SMARCA2: variants seen among roughly 807,000 people sequenced by gnomAD.
The protein encoded by SMARCA2 is SWI/SNF-related matrix-associated actin-dependent regulator of chromatin subfamily A member 2.
Under a neutral mutation model 199.8 loss-of-function variants are expected in SMARCA2, and 61 were observed. That is an observed-to-expected ratio of 0.31 (90% CI 0.25 to 0.38). The LOEUF is 0.38. Ranked by LOEUF, SMARCA2 falls within the 10% of genes least tolerant of loss-of-function variation. The probability of loss-of-function intolerance (pLI) is 1.00; values close to 1 mark genes in which losing one functional copy is unlikely to be tolerated. For synonymous variants in SMARCA2, 935 were observed against 732.0 expected (o/e 1.28, Z -4.48); for missense variants, 1,344 against 2,012.2 (o/e 0.67, Z 6.35).
At chr9:2,178,581 C>CG (rs926698764) in intron 29 of SMARCA2, among the ~76,000 whole-genome samples, 2 of 151,912 alleles carry the variant, frequency 1.3e-5, no homozygotes, top group South Asian at 4.2e-4. Flanking sequence ...ACTTTCTGGC[C>CG]GGGGGCAGGG....
At chr9:2,158,977 T>C (rs1394463086) in intron 27 of SMARCA2, 3 of 1,612,204 alleles carry the variant, frequency 1.9e-6, no homozygotes, top group Non-Finnish European at 1.7e-6. Flanking sequence ...AGGGGAATAA[T>C]GGTCAGTACT....
chr9:2,073,476 C>A, intron 11 of SMARCA2, 90 bp from the exon 12 acceptor site: 1 of 1,458,224 alleles, frequency 6.9e-7, no homozygotes. Flanking sequence ...GTCTTTTATA[C>A]ATAGAATGTG....
In SMARCA2 at chr9:2,059,866, G is replaced by T. The variant is rs16937082; in HGVS notation, c.1522-950G>T. Among the ~76,000 whole-genome samples the T allele has an allele frequency of 9.3e-3, 1,419 of 152,144 alleles. 30 individuals are homozygous for T. The highest frequency in any genetic ancestry group is 0.033 in the African/African-American group (1,352 of 41,490). On this transcript the variant is annotated intron_variant, in intron 8 of 33. Coordinates refer to ENST00000349721, the MANE Select transcript of SMARCA2 (RefSeq NM_003070.5). ...TTGCCTCTTAAAGATTTTGCAGCTT[G>T]CTCCTTTTATCGTGGCATTACATGA...
chr9:2,123,594 G>T lies in SMARCA2; in HGVS notation c.3763-125G>T. On this transcript the variant is annotated intron_variant, in intron 26 of 33. Coordinates refer to ENST00000349721, the MANE Select transcript of SMARCA2 (RefSeq NM_003070.5). The surrounding 1 kb of genome is among the most constrained non-coding windows in gnomAD (Gnocchi z 4.1). ...GGGATGAGCTAGAACAAGCCAACCA[G>T]GATGAGAGAGGTTGAAAGGGACCCT... 5 of 808,040 alleles carry T rather than the reference G, an allele frequency of 6.2e-6. No homozygotes were observed. Among genetic ancestry groups the T allele is most frequent in the Non-Finnish European group, 1.1e-5 (5 of 475,590 alleles). The allele number at this position is 808,040 out of a possible 1,614,324, so 50.1% of individuals were successfully genotyped here.
rs560824532 is a variant in SMARCA2, at chr9:2,086,616, G to C, written c.2527-213G>C. 1.3e-5 allele frequency among the ~76,000 whole-genome samples: 2 copies of C among 152,260 alleles called. No homozygotes were observed. The highest frequency in any genetic ancestry group is 4.2e-4 in the South Asian group (2 of 4,812). ...GATTTGGAATTACGTGGTCTGTAAG[G>C]AACATTGTTCCTTTAACATTCTATT... On this transcript the variant is annotated intron_variant, in intron 17 of 33. Transcript: ENST00000349721. This position sits in a 1 kb window ranked among gnomAD's most constrained non-coding sequence, Gnocchi z 4.3.
rs1828021251 is a variant in SMARCA2 at position 2,193,306 on chromosome 9, G to C, written c.*567G>C. 1 of 152,530 alleles carries C rather than the reference G, an allele frequency of 6.6e-6. No homozygotes were observed. The highest frequency in any genetic ancestry group is 6.5e-5 in the Admixed American group (1 of 15,282). The allele number at this position is 152,530 out of a possible 1,614,324, so 9.4% of individuals were successfully genotyped here. A position where few individuals can be genotyped will look rare whatever the true frequency, so the allele number is the denominator to read the frequency against. ...TTTATGCTCTATGATCTGAACAAAAGCTTTTTGAATTGTATAAGATTTATG... is the reference window on the plus strand; with the variant it reads ...TTTATGCTCTATGATCTGAACAAAACCTTTTTGAATTGTATAAGATTTATG... On this transcript the variant is annotated 3_prime_UTR_variant, in exon 34 of 34. Transcript: ENST00000349721.
chr9:2,060,633 C>T (rs756174111), intron 8 of SMARCA2, among the ~76,000 whole-genome samples, 183 bp from the exon 9 acceptor site: 1 of 152,202 alleles, frequency 6.6e-6, no homozygotes, highest in Non-Finnish European at 1.5e-5. Context: ...GGGATGTAGG[C>T]GTCACACTTC....
At chr9:2,070,995 C>T (rs888227719) in intron 10 of SMARCA2, among the ~76,000 whole-genome samples, 7 of 152,286 alleles carry the variant, frequency 4.6e-5, no homozygotes, top group Admixed American at 3.3e-4. Context: ...CCAGTATTCT[C>T]CTGAATTATG....
At chr9:2,154,693 C>G (rs1297179158) in intron 27 of SMARCA2, among the ~76,000 whole-genome samples, 1 of 152,146 alleles carries the variant, frequency 6.6e-6, no homozygotes. Context: ...AAGGTGCTTC[C>G]AAGTTGCCAT....
intron 3 of SMARCA2, among the ~76,000 whole-genome samples, chr9:2,036,341 G>C (rs969377927): frequency 6.6e-6 from 1 of 152,070 alleles, no homozygotes; most frequent in Non-Finnish European, 1.5e-5. Context: ...ACTAGGGAAA[G>C]AAAACTGCCA....
chr9:2,096,522 C>T (rs927942853), intron 19 of SMARCA2, 135 bp from the exon 20 acceptor site: 34 of 629,004 alleles, frequency 5.4e-5, no homozygotes, highest in Middle Eastern at 4.3e-4. Flanking sequence ...CCATCTCACC[C>T]CGCACTCCGT....
intron 32 of SMARCA2, among the ~76,000 whole-genome samples, chr9:2,189,384 A>C (rs1006997319): frequency 2.6e-5 from 4 of 152,074 alleles, no homozygotes; most frequent in Admixed American, 2.0e-4. Flanking sequence ...AGAGTGCGCC[A>C]CACTCCAAGG....
intron 30 of SMARCA2, 44 bp downstream of exon 30, chr9:2,181,720 GA>G: frequency 9.7e-7 from 1 of 1,027,052 alleles, no homozygotes. Context: ...GTAAATAAAG[GA>G]GCAGTGTAAA....
At chr9:2,172,624 C>T (rs947121528) in intron 29 of SMARCA2, among the ~76,000 whole-genome samples, 2 of 152,066 alleles carry the variant, frequency 1.3e-5, no homozygotes, top group African/African-American at 4.8e-5. Flanking sequence ...CCTTGAACAC[C>T]AAGCTGAGGA....
rs1466568667 is a variant in SMARCA2, at chr9:2,073,265, A to G, written c.1800A>G (p.Thr600=). The change falls in exon 11 of 34, where the codon ACA becomes ACG. Residue 600 remains threonine, a synonymous_variant. Coordinates refer to ENST00000349721, the MANE Select transcript of SMARCA2 (RefSeq NM_003070.5). Reference sequence around the variant, plus strand: ...ACCTCCCTGTCAAAGTGACTCACACAGAAACCGGCAAGGTTCTGTTCGGAC... The same window carrying G: ...ACCTCCCTGTCAAAGTGACTCACACGGAAACCGGCAAGGTTCTGTTCGGAC... ...MSDLPVKVTH[T]ETGKVLFGPE... 6.2e-7 allele frequency: 1 copy of G among 1,614,214 alleles called. No individual in the cohort carries two copies. Among genetic ancestry groups the G allele is most frequent in the East Asian group, 2.2e-5 (1 of 44,876 alleles).
chr9:2,103,775 C>A (rs1822634503), intron 22 of SMARCA2, among the ~76,000 whole-genome samples: 2 of 151,810 alleles, frequency 1.3e-5, no homozygotes, highest in African/African-American at 4.8e-5. Context: ...TGTCATCATA[C>A]CTAGTATATG....
intron 32 of SMARCA2, among the ~76,000 whole-genome samples, chr9:2,190,341 G>A (rs1290457602): frequency 6.6e-6 from 1 of 152,004 alleles, no homozygotes; most frequent in Non-Finnish European, 1.5e-5. Context: ...GTTTATACTA[G>A]CAAAAAAAGC....
At chr9:2,156,708 G>A (rs1394677998) in intron 27 of SMARCA2, among the ~76,000 whole-genome samples, 3 of 152,110 alleles carry the variant, frequency 2.0e-5, no homozygotes, top group Non-Finnish European at 4.4e-5. Flanking sequence ...TGGGATTACA[G>A]GCATGAGCCA....
At chr9:2,143,352 A>C (rs1016236631) in intron 27 of SMARCA2, among the ~76,000 whole-genome samples, 7 of 152,248 alleles carry the variant, frequency 4.6e-5, no homozygotes, top group African/African-American at 1.7e-4. Flanking sequence ...GCATGACCAA[A>C]GAATCTGGGC....
Sources: gnomAD v4.1 joint callset for allele counts (sites outside exome capture counted in the v4.1 genomes callset) on GRCh38, gnomAD v4.1.1 for gene constraint, Gnocchi (gnomAD v3.1) non-coding constraint, MANE v1.5 for transcripts, NCBI Gene and HGNC (gene_info 2026-07-23, HGNC 2026-07-21) for gene names.